WFDC3: variants seen among roughly 807,000 people sequenced by gnomAD.
WFDC3 encodes WAP four-disulfide core domain protein 3.
A neutral mutation model predicts 25.8 loss-of-function variants in WFDC3; 15 were observed. The observed-to-expected ratio is 0.58, with a 90% CI of 0.39 to 0.89. WFDC3 has a LOEUF of 0.89. Ranked by LOEUF, WFDC3 falls within the 40% of genes least tolerant of loss-of-function variation. The probability of loss-of-function intolerance (pLI) is 0.00; values close to 1 mark genes in which losing one functional copy is unlikely to be tolerated. For missense variants in WFDC3, 264 were observed against 289.8 expected, an observed-to-expected ratio of 0.91 and a Z score of 0.65; for synonymous variants, 103 against 107.1, an observed-to-expected ratio of 0.96 and a Z score of 0.24.
At chr20:45,789,200 T>G in intron 2 of WFDC3, 141 bp from the exon 3 acceptor site, 2 of 1,126,308 alleles carry the variant, frequency 1.8e-6, no homozygotes, top group South Asian at 1.7e-5. Context: ...TGAGACCCTG[T>G]CTCTTAAAAA....
intron 1 of WFDC3, among the ~76,000 whole-genome samples, chr20:45,790,594 G>A (rs1378713363): frequency 6.6e-6 from 1 of 152,152 alleles, no homozygotes; most frequent in African/African-American, 2.4e-5. Context: ...GCATGCTGGT[G>A]CATGCCTGTA....
At position 45,779,134 on chromosome 20, in the gene WFDC3, A is replaced by T. The variant is rs536624131; in HGVS notation, c.359-1925T>A. 2.0e-5 allele frequency among the ~76,000 whole-genome samples: 3 copies of T among 152,364 alleles called. No homozygotes were observed. The South Asian group carries it at 6.2e-4, about 32-fold the overall frequency. ...TTTTCTACTACACTATCCTTAAAAC[A>T]TGCAGGCAACTGGCCAGGGCCCCAG... is the stretch of plus-strand genomic sequence containing the variant. On this transcript the variant is annotated intron_variant, in intron 4 of 6. Transcript: ENST00000243938.
chr20:45,787,698 TGCACCC>T, intron 4 of WFDC3, 132 bp downstream of exon 4: 1 of 1,175,342 alleles, frequency 8.5e-7, no homozygotes. Context: ...TTATGGCTTG[TGCACCC>T]TTTGTATATC....
Position 45,790,001 on chromosome 20 carries a change from G to T in WFDC3, c.-7-19C>A. 2 of 1,603,582 alleles carry T rather than the reference G, an allele frequency of 1.2e-6. No individual in the cohort carries two copies. Among genetic ancestry groups the T allele is most frequent in the Non-Finnish European group, 8.5e-7 (1 of 1,170,572 alleles). On this transcript the variant is annotated intron_variant, in intron 1 of 6. Coordinates refer to ENST00000243938, the MANE Select transcript of WFDC3 (RefSeq NM_080614.2). ...GATGATGCTGAGAGTTGGGACAAGA[G>T]CTCAGTTCAGGCTAGAGGTGTACAC...
At chr20:45,786,923 T>A (rs1980692969) in intron 4 of WFDC3, among the ~76,000 whole-genome samples, 1 of 151,418 alleles carries the variant, frequency 6.6e-6, no homozygotes, top group Admixed American at 6.6e-5. Flanking sequence ...CGAAAACCCG[T>A]CTCTACTAAA....
chr20:45,779,369 T>C (rs1233933279), intron 4 of WFDC3, among the ~76,000 whole-genome samples: 1 of 152,124 alleles, frequency 6.6e-6, no homozygotes, highest in East Asian at 1.9e-4. Flanking sequence ...AAGTCTGCCA[T>C]GATGGAAAAA....
chr20:45,776,963 G>A (rs1980213657), intron 5 of WFDC3, 112 bp downstream of exon 5: 2 of 1,563,254 alleles, frequency 1.3e-6, no homozygotes, highest in African/African-American at 1.4e-5. Context: ...GCTTTGGGTT[G>A]GGGGACCAGA....
Position 45,777,080 on chromosome 20 carries a change from T to A in WFDC3, c.488A>T (p.Glu163Val), listed in dbSNP as rs149201662. 11 of 1,612,572 alleles carry A rather than the reference T, an allele frequency of 6.8e-6. No homozygotes were observed. The African/African-American group carries it at 1.2e-4, about 18-fold the overall frequency. ...TCCCAAAAGAGCCAACATACCTCCC[T>A]CAATGTCTCCGAGGCAGGTGCGGCC... ...GCGRTCLGDI[E>V]GGRGGDCPKV... Residue 163 changes from glutamate to valine, a missense_variant, in exon 5 of 7, where the codon GAG (glutamate) becomes GTG (valine). Coordinates refer to ENST00000243938, the MANE Select transcript of WFDC3 (RefSeq NM_080614.2).
chr20:45,788,667 C>T (rs992587326), intron 3 of WFDC3: 6 of 357,556 alleles, frequency 1.7e-5, no homozygotes, highest in Non-Finnish European at 2.5e-5. Context: ...CCCTTTACAA[C>T]TCTTCCCTCC....
At chr20:45,778,912 C>G (rs910620064) in intron 4 of WFDC3, 2 of 151,248 alleles carry the variant, frequency 1.3e-5, no homozygotes, top group Non-Finnish European at 2.9e-5. Context: ...TTGTTAGCAT[C>G]ATGGAGCCAC....
chr20:45,780,617 C>A (rs1980400537), intron 4 of WFDC3, among the ~76,000 whole-genome samples: 1 of 152,230 alleles, frequency 6.6e-6, no homozygotes, highest in East Asian at 1.9e-4. Flanking sequence ...GATGACGGTT[C>A]CCCACCCTCT....
At chr20:45,787,730 C>A in intron 4 of WFDC3, 106 bp downstream of exon 4, 1 of 1,384,622 alleles carries the variant, frequency 7.2e-7, no homozygotes, top group African/African-American at 1.5e-5. Flanking sequence ...TTTTTAAGGT[C>A]TTAGAATATA....
chr20:45,788,817 T>C (rs1360755952), intron 3 of WFDC3, 114 bp downstream of exon 3: 1 of 1,415,648 alleles, frequency 7.1e-7, no homozygotes, highest in African/African-American at 1.5e-5. Context: ...AGAAGTACTC[T>C]AGGCAAGGGA....
intron 1 of WFDC3, 30 bp downstream of exon 1, chr20:45,791,802 C>T: frequency 2.6e-6 from 1 of 391,790 alleles, no homozygotes; most frequent in Non-Finnish European, 4.5e-6. Flanking sequence ...GCAGCCCTCC[C>T]GAGAGGAAGC....
At chr20:45,778,359 A>C (rs1193211978) in intron 4 of WFDC3, among the ~76,000 whole-genome samples, 2 of 152,194 alleles carry the variant, frequency 1.3e-5, no homozygotes, top group African/African-American at 4.8e-5. Context: ...CAACCTACAC[A>C]ACTGTGAGAA....
rs995541317 is a variant in WFDC3 at position 45,774,299 on chromosome 20, G to A, written c.*129C>T. 1.5e-5 allele frequency: 19 copies of A among 1,272,136 alleles called. No individual in the cohort carries two copies. The highest frequency in any genetic ancestry group is 6.0e-5 in the South Asian group (5 of 83,434). The allele number at this position is 1,272,136 out of a possible 1,614,324, so 78.8% of individuals were successfully genotyped here. On this transcript the variant is annotated 3_prime_UTR_variant, in exon 7 of 7. Transcript: ENST00000243938. ...TTTCCCATGCTCTGGTCAGCGGCAGGAGGAGAAGCAGAGCAGAGAGGGCCA... is the reference window on the plus strand; with the variant it reads ...TTTCCCATGCTCTGGTCAGCGGCAGAAGGAGAAGCAGAGCAGAGAGGGCCA...
At chr20:45,785,200 G>C (rs1185697242) in intron 4 of WFDC3, among the ~76,000 whole-genome samples, 1 of 152,198 alleles carries the variant, frequency 6.6e-6, no homozygotes, top group East Asian at 1.9e-4. Context: ...GCCAGGCACA[G>C]TGGCTCATGC....
At chr20:45,786,846 G>C (rs368281026) in intron 4 of WFDC3, among the ~76,000 whole-genome samples, 53 of 152,200 alleles carry the variant, frequency 3.5e-4, no homozygotes, top group Admixed American at 1.3e-3. Flanking sequence ...TGTAATCCCA[G>C]TACTTTGGGA....
chr20:45,787,765 G>C (rs1472093858), intron 4 of WFDC3, 71 bp downstream of exon 4: 3 of 1,507,562 alleles, frequency 2.0e-6, no homozygotes, highest in African/African-American at 2.8e-5. Flanking sequence ...CCAACAAGCT[G>C]ATATGTGCAT....
Sources: allele counts gnomAD v4.1 joint callset (sites outside exome capture counted in the v4.1 genomes callset), GRCh38; gene constraint gnomAD v4.1.1; transcripts MANE v1.5; gene names NCBI Gene and HGNC (gene_info 2026-07-23, HGNC 2026-07-21).